Variants in GTF2I observed in about 807,000 individuals in gnomAD.
GTF2I encodes the protein general transcription factor II-I.
In GTF2I, 12 loss-of-function variants were observed where a neutral mutation model predicts 67.6. The ratio of observed to expected loss-of-function variants is 0.18; its 90% confidence interval spans 0.11 to 0.29. GTF2I has a LOEUF of 0.29. Among genes scored for constraint, GTF2I ranks in the 10% least tolerant of loss-of-function variants. The pLI, the probability that GTF2I is intolerant of heterozygous loss-of-function variation, is 1.00. For synonymous variants in GTF2I, 149 were observed against 197.0 expected (o/e 0.76, Z 2.04); for missense variants, 271 against 580.1 (o/e 0.47, Z 5.47).
intron 1 of GTF2I, among the ~76,000 whole-genome samples, chr7:74,678,469 A>G (rs1554393038): frequency 1.3e-5 from 2 of 152,152 alleles, no homozygotes; most frequent in African/African-American, 4.8e-5. Flanking sequence ...TTCCTTAAGT[A>G]AAGGTGCAGT....
At chr7:74,734,470 G>A (rs1554407273) in intron 16 of GTF2I, among the ~76,000 whole-genome samples, 2 of 151,742 alleles carry the variant, frequency 1.3e-5, no homozygotes, top group Non-Finnish European at 2.9e-5. Flanking sequence ...TGCCCAGGCT[G>A]GAGTGCAGTG....
intron 12 of GTF2I, among the ~76,000 whole-genome samples, chr7:74,723,486 A>G (rs151309325): frequency 0.039 from 4,942 of 128,058 alleles, 141 homozygotes; most frequent in Non-Finnish European, 0.054. Context: ...GCTGGAGTAC[A>G]GTGACCTGAT....
chr7:74,681,340 C>G lies in GTF2I; in HGVS notation c.-5-7784C>G, dbSNP rs587658939. Among the ~76,000 whole-genome samples, 31 of 151,974 alleles carry G rather than the reference C, an allele frequency of 2.0e-4. No individual in the cohort carries two copies. The South Asian group carries it at 2.3e-3, about 11-fold the overall frequency. ...ATCCGAACTACTTGGGAGGCTGAGG[C>G]AGGAGAATTGCTTGAACCTGGGAGG... On this transcript the variant is annotated intron_variant, in intron 1 of 34. Coordinates refer to ENST00000573035, the MANE Select transcript of GTF2I (RefSeq NM_032999.4).
chr7:74,713,450 A>C (rs1484864096), intron 9 of GTF2I, among the ~76,000 whole-genome samples: 1 of 152,206 alleles, frequency 6.6e-6, no homozygotes, highest in Non-Finnish European at 1.5e-5. Context: ...GAATATTTTC[A>C]CTACAGTTAA....
At chr7:74,674,388 A>T (rs1166891667) in intron 1 of GTF2I, among the ~76,000 whole-genome samples, 2 of 152,120 alleles carry the variant, frequency 1.3e-5, no homozygotes, top group South Asian at 4.2e-4. Flanking sequence ...AAACTTAGAA[A>T]ATAGTTGCAA....
At chr7:74,702,078 G>A (rs1789854716) in intron 6 of GTF2I, among the ~76,000 whole-genome samples, 1 of 152,138 alleles carries the variant, frequency 6.6e-6, no homozygotes, top group African/African-American at 2.4e-5. Flanking sequence ...TCAGTTTATA[G>A]ATATTTTGGT....
At chr7:74,690,824 CTG>C in intron 2 of GTF2I, 147 bp from the exon 3 acceptor site, 2 of 701,032 alleles carry the variant, frequency 2.9e-6, no homozygotes, top group South Asian at 3.4e-5. Context: ...CTTATAAATT[CTG>C]TGTTGTCTTT....
chr7:74,716,194 C>G (rs1792240932), intron 10 of GTF2I, among the ~76,000 whole-genome samples: 1 of 152,014 alleles, frequency 6.6e-6, no homozygotes. Context: ...TCTCTGATGT[C>G]TTAGATTCTT....
intron 1 of GTF2I, chr7:74,687,706 C>T: frequency 3.3e-6 from 1 of 301,872 alleles, no homozygotes; most frequent in Non-Finnish European, 4.9e-6. Context: ...CATTTTTAGG[C>T]ATAACAGTTT....
At chr7:74,743,622 G>GC in intron 20 of GTF2I, 102 bp downstream of exon 20, 2 of 664,508 alleles carry the variant, frequency 3.0e-6, no homozygotes, top group Non-Finnish European at 5.7e-6. Context: ...AGTGGCTCAC[G>GC]CCTGTAATCG....
chr7:74,687,597 T>C, intron 1 of GTF2I: 5 of 959,394 alleles, frequency 5.2e-6, no homozygotes, highest in Non-Finnish European at 5.0e-6. Flanking sequence ...TAATCTGGGC[T>C]AGCAGTTAAT....
At position 74,712,487 on chromosome 7, in the gene GTF2I, A is replaced by AGTGTGT. The variant is rs142200093; in HGVS notation, c.763+1423_763+1428dup. Reference sequence around the variant, plus strand: ...TTTACTACGTAAATATTCTCCCGGGAGTGTGTGTGTGTGTGTGTGTGTGTG... The same window carrying AGTGTGT: ...TTTACTACGTAAATATTCTCCCGGGAGTGTGTGTGTGTGTGTGTGTGTGTGTGTGTG... On this transcript the variant is annotated intron_variant, in intron 9 of 34. Coordinates refer to ENST00000573035, the MANE Select transcript of GTF2I (RefSeq NM_032999.4). 8.7e-4 allele frequency among the ~76,000 whole-genome samples: 115 copies of AGTGTGT among 131,840 alleles called. 1 individual carries two copies. The highest frequency in any genetic ancestry group is 1.4e-3 in the African/African-American group (51 of 36,176). 86.5% of individuals were successfully genotyped at this position (131,840 alleles called of 152,430 possible).
At chr7:74,674,655 C>T (rs1805737978) in intron 1 of GTF2I, among the ~76,000 whole-genome samples, 1 of 152,026 alleles carries the variant, frequency 6.6e-6, no homozygotes, top group South Asian at 2.1e-4. Context: ...TCTCCTGCCT[C>T]AGCCTCCCGG....
intron 1 of GTF2I, among the ~76,000 whole-genome samples, chr7:74,659,146 C>T (rs1176803731): frequency 6.6e-5 from 10 of 152,044 alleles, no homozygotes; most frequent in African/African-American, 2.4e-4. Flanking sequence ...TGGTCTTGAA[C>T]TCCTAGGCTC....
intron 14 of GTF2I, among the ~76,000 whole-genome samples, chr7:74,732,098 T>TAC (rs1187837681): frequency 2.0e-5 from 3 of 148,306 alleles, no homozygotes; most frequent in Admixed American, 1.4e-4. Flanking sequence ...TGTATATATA[T>TAC]ACACACATAT....
At position 74,700,449 on chromosome 7, in the gene GTF2I, T is replaced by C; in HGVS notation, c.557+19T>C. 1 of 1,613,606 alleles carries C rather than the reference T, an allele frequency of 6.2e-7. No individual in the cohort carries two copies. Among genetic ancestry groups the C allele is most frequent in the Non-Finnish European group, 8.5e-7 (1 of 1,179,500 alleles). On this transcript the variant is annotated intron_variant, in intron 5 of 34. Transcript: ENST00000573035. Reference sequence around the variant, plus strand: ...TTAAGAGGTGAAGTGCTTTCTCCCTTTGTACCCATCAACAGTTGATTCGTA... The same window carrying C: ...TTAAGAGGTGAAGTGCTTTCTCCCTCTGTACCCATCAACAGTTGATTCGTA...
intron 1 of GTF2I, among the ~76,000 whole-genome samples, chr7:74,659,483 G>A (rs1183502082): frequency 6.6e-6 from 1 of 151,146 alleles, no homozygotes; most frequent in African/African-American, 2.4e-5. Context: ...TCTGCCTCCC[G>A]GGTTCAAGCC....
intron 1 of GTF2I, among the ~76,000 whole-genome samples, chr7:74,680,079 CAAAAAAAAAA>C (rs1225904374): frequency 6.6e-5 from 2 of 30,526 alleles, no homozygotes; most frequent in African/African-American, 2.7e-4. Flanking sequence ...GAGTCCATCT[CAAAAAAAAAA>C]AAAAAAAAAA....
intron 1 of GTF2I, among the ~76,000 whole-genome samples, chr7:74,679,445 A>C (rs185400570): frequency 2.0e-5 from 3 of 152,266 alleles, no homozygotes; most frequent in Admixed American, 2.0e-4. Context: ...CAGAAAGTTC[A>C]GTGTCCACTA....
Sources: allele counts gnomAD v4.1 joint callset (sites outside exome capture counted in the v4.1 genomes callset), GRCh38; gene constraint gnomAD v4.1.1; transcripts MANE v1.5; gene names NCBI Gene and HGNC (gene_info 2026-07-23, HGNC 2026-07-21).